The following TPRG1 variants were observed in gnomAD, a reference collection of about 807,000 sequenced individuals.
The protein encoded by TPRG1 is tumor protein p63 regulated 1, also known as tumor protein p63-regulated gene 1 protein.
In TPRG1, 29 loss-of-function variants were observed where a neutral mutation model predicts 29.3. The observed-to-expected ratio is 0.99, with a 90% CI of 0.74 to 1.35. The LOEUF (loss-of-function observed/expected upper bound fraction) is 1.35, where lower values mean the gene tolerates loss of function less well. TPRG1 is among the 40% of genes most tolerant of loss of function. The pLI is 0.00. For missense variants in TPRG1, 327 were observed against 335.0 expected, an observed-to-expected ratio of 0.98 and a Z score of 0.19; for synonymous variants, 130 against 116.8, an observed-to-expected ratio of 1.11 and a Z score of -0.73.
At chr3:189,305,026 C>A (rs940228358) in intron 4 of TPRG1, among the ~76,000 whole-genome samples, 1 of 152,136 alleles carries the variant, frequency 6.6e-6, no homozygotes, top group African/African-American at 2.4e-5. Context: ...TGTGGTGGAG[C>A]TTTGAGATTT....
upstream of TPRG1, among the ~76,000 whole-genome samples, chr3:189,169,165 CTAT>C (rs530214317): frequency 6.6e-6 from 1 of 151,984 alleles, no homozygotes; most frequent in African/African-American, 2.4e-5. Context: ...TTTGTAAAAG[CTAT>C]TATTATTATT....
intron 5 of TPRG1, among the ~76,000 whole-genome samples, chr3:189,312,139 T>C (rs866257672): frequency 0.26 from 13,775 of 53,206 alleles, 1,571 homozygotes; most frequent in Middle Eastern, 0.33. Context: ...CTTTCTTTCT[T>C]TCTTTCTTTC....
chr3:189,244,152 G>A (rs554290141), intron 4 of TPRG1, among the ~76,000 whole-genome samples: 36 of 152,226 alleles, frequency 2.4e-4, no homozygotes, highest in African/African-American at 5.3e-4. Flanking sequence ...GAGGTTTGCC[G>A]TGTGCAATGG....
At chr3:189,275,834 T>C (rs1716042637) in intron 4 of TPRG1, among the ~76,000 whole-genome samples, 1 of 152,172 alleles carries the variant, frequency 6.6e-6, no homozygotes, top group Admixed American at 6.5e-5. Context: ...GATTTTGCCA[T>C]GCCCTCTATA....
At chr3:189,236,759 T>G (rs189492448) in intron 3 of TPRG1, among the ~76,000 whole-genome samples, 153 of 152,308 alleles carry the variant, frequency 1.0e-3, no homozygotes, top group African/African-American at 3.4e-3. Context: ...CTTTTCTTCC[T>G]TTTTCTGCTT....
chr3:189,268,196 A>C (rs1014869704), intron 4 of TPRG1, among the ~76,000 whole-genome samples: 1 of 151,968 alleles, frequency 6.6e-6, no homozygotes, highest in African/African-American at 2.4e-5. Context: ...TGTCATGTAC[A>C]CTCTTGACTT....
At chr3:189,289,902 A>G (rs1317231349) in intron 4 of TPRG1, among the ~76,000 whole-genome samples, 19 of 152,246 alleles carry the variant, frequency 1.2e-4, no homozygotes, top group Admixed American at 1.2e-3. Context: ...ACAAGAAGCC[A>G]CAGGATAAAC....
chr3:189,293,330 C>T (rs188077502), intron 4 of TPRG1, among the ~76,000 whole-genome samples: 2 of 152,144 alleles, frequency 1.3e-5, no homozygotes, highest in African/African-American at 2.4e-5. Context: ...TATGCTGGTG[C>T]AATGTGCCTG....
At chr3:189,228,933 A>C (rs1484878220) in intron 3 of TPRG1, among the ~76,000 whole-genome samples, 1 of 152,214 alleles carries the variant, frequency 6.6e-6, no homozygotes, top group Non-Finnish European at 1.5e-5. Context: ...TTCAGAATAC[A>C]AGATCAGCAC....
At chr3:189,170,872 A>G (rs1728735328), upstream of TPRG1, among the ~76,000 whole-genome samples, 1 of 152,250 alleles carries the variant, frequency 6.6e-6, no homozygotes, top group African/African-American at 2.4e-5. Context: ...TTCTTTTAAA[A>G]GAATGGAATT....
intron 4 of TPRG1, among the ~76,000 whole-genome samples, chr3:189,050,921 A>G (rs1715276023): frequency 6.6e-6 from 1 of 152,226 alleles, no homozygotes; most frequent in African/African-American, 2.4e-5. Flanking sequence ...ATCGGCATGC[A>G]AGGGACATAC....
intron 4 of TPRG1, among the ~76,000 whole-genome samples, chr3:189,277,399 T>C (rs1370416688): frequency 1.3e-5 from 2 of 152,158 alleles, no homozygotes; most frequent in Admixed American, 1.3e-4. Context: ...AAGAGAGGAA[T>C]TGATTTGGGT....
At chr3:189,297,517 G>A (rs1720150034) in intron 4 of TPRG1, among the ~76,000 whole-genome samples, 1 of 152,078 alleles carries the variant, frequency 6.6e-6, no homozygotes. Flanking sequence ...TTCTTAGGTG[G>A]GGTTAGGATC....
chr3:189,214,976 TCC>T (rs1735843383), intron 2 of TPRG1, among the ~76,000 whole-genome samples: 2 of 150,970 alleles, frequency 1.3e-5, no homozygotes, highest in Admixed American at 6.8e-5. Context: ...ATGTACAGAT[TCC>T]TAAAGGCTTT....
At chr3:189,117,876 T>C (rs758962206) in intron 1 of TPRG1, among the ~76,000 whole-genome samples, 1 of 152,204 alleles carries the variant, frequency 6.6e-6, no homozygotes, top group African/African-American at 2.4e-5. Context: ...TATTTCTTCA[T>C]AGCAGTGTGA....
intron 5 of TPRG1, among the ~76,000 whole-genome samples, chr3:189,316,937 C>T (rs1021050411): frequency 1.3e-5 from 2 of 152,138 alleles, no homozygotes; most frequent in African/African-American, 4.8e-5. Flanking sequence ...CTTCAATGCA[C>T]TGCTTGTCAC....
intron 4 of TPRG1, among the ~76,000 whole-genome samples, chr3:189,049,914 C>A (rs1715211243): frequency 6.6e-6 from 1 of 152,138 alleles, no homozygotes; most frequent in South Asian, 2.1e-4. Flanking sequence ...ATCAAAACCT[C>A]TGGGATACAG....
chr3:189,286,752 A>G (rs1433414200), intron 4 of TPRG1, among the ~76,000 whole-genome samples: 1 of 152,086 alleles, frequency 6.6e-6, no homozygotes, highest in Non-Finnish European at 1.5e-5. Flanking sequence ...TGCACACAGG[A>G]AAGTTCAGAC....
intron 4 of TPRG1, among the ~76,000 whole-genome samples, chr3:189,298,606 G>T (rs7644778): frequency 0.059 from 8,900 of 152,132 alleles, 606 homozygotes; most frequent in African/African-American, 0.16. Flanking sequence ...ACCTGTGGTT[G>T]GTAGAATATA....
Sources: gnomAD v4.1 joint callset for allele counts (sites outside exome capture counted in the v4.1 genomes callset) on GRCh38, gnomAD v4.1.1 for gene constraint, MANE v1.5 for transcripts, NCBI Gene and HGNC (gene_info 2026-07-23, HGNC 2026-07-21) for gene names.